EMG1: variants seen among roughly 807,000 people sequenced by gnomAD.
EMG1 encodes the protein ribosomal RNA small subunit methyltransferase NEP1.
A neutral mutation model predicts 26.9 loss-of-function variants in EMG1; 24 were observed. That is an observed-to-expected ratio of 0.89 (90% CI 0.65 to 1.26). The LOEUF is 1.26. EMG1 is among the 50% of genes most tolerant of loss of function. EMG1 has a pLI of 0.00. For missense variants in EMG1, 299 were observed against 307.6 expected (o/e 0.97, Z 0.21); for synonymous variants, 140 against 112.6 (o/e 1.24, Z -1.54).
At chr12:6,974,041 A>G (rs1238713886) in intron 1 of EMG1, among the ~76,000 whole-genome samples, 2 of 152,186 alleles carry the variant, frequency 1.3e-5, no homozygotes, top group Non-Finnish European at 2.9e-5. Flanking sequence ...CAGGTTTTTT[A>G]ATTAAATCCA....
At chr12:6,973,074 A>G (rs1555152500) in intron 1 of EMG1, among the ~76,000 whole-genome samples, 1 of 151,326 alleles carries the variant, frequency 6.6e-6, no homozygotes, top group Non-Finnish European at 1.5e-5. Context: ...TCCTGGGCTC[A>G]AGTGATCCTT....
At chr12:6,989,341 T>C (rs1353463663), downstream of EMG1, among the ~76,000 whole-genome samples, 1 of 137,608 alleles carries the variant, frequency 7.3e-6, no homozygotes, top group African/African-American at 2.8e-5. Flanking sequence ...TGAGACAGAG[T>C]CTCTGTCGCC....
chr12:6,988,822 C>T (rs1428092127), downstream of EMG1, among the ~76,000 whole-genome samples: 1 of 152,076 alleles, frequency 6.6e-6, no homozygotes, highest in African/African-American at 2.4e-5. Flanking sequence ...TTGTAACAAC[C>T]CAGAGGTTTG....
At chr12:6,983,518 TAAAAC>T (rs1946492130), downstream of EMG1, 1 of 1,610,874 alleles carries the variant, frequency 6.2e-7, no homozygotes, top group Non-Finnish European at 8.5e-7. Flanking sequence ...GTAATGCCGA[TAAAAC>T]AAAGCAAAGG....
At chr12:6,981,574 T>A, downstream of EMG1, 3 of 1,613,294 alleles carry the variant, frequency 1.9e-6, no homozygotes, top group Non-Finnish European at 2.5e-6. Context: ...TGAACCTCTC[T>A]GCCGATGAAT....
At chr12:6,997,427 G>GTGTT (rs1565603363) in exon 8 of EMG1, 6 of 137,546 alleles carry the variant, frequency 4.4e-5, no homozygotes, top group African/African-American at 1.8e-4. Flanking sequence ...GTGTGTGTGT[G>GTGTT]TTTCAAGACA....
chr12:6,986,220 G>A (rs1454969282), intron 6 of EMG1, among the ~76,000 whole-genome samples: 1 of 152,160 alleles, frequency 6.6e-6, no homozygotes, highest in Non-Finnish European at 1.5e-5. Context: ...TGCCACTGCT[G>A]AGATGGCAAC....
intron 1 of EMG1, among the ~76,000 whole-genome samples, chr12:6,972,866 T>C (rs1262693063): frequency 6.6e-6 from 1 of 152,058 alleles, no homozygotes; most frequent in African/African-American, 2.4e-5. Flanking sequence ...TGAGATAGGG[T>C]CTTGCTCTGT....
At chr12:6,992,534 AT>A (rs1183908860), downstream of EMG1, among the ~76,000 whole-genome samples, 14 of 152,202 alleles carry the variant, frequency 9.2e-5, no homozygotes, top group Non-Finnish European at 7.3e-5. Context: ...AGACAAATAC[AT>A]CTTAGTAGTA....
intron 7 of EMG1, among the ~76,000 whole-genome samples, chr12:6,994,570 G>T (rs1202302000): frequency 6.6e-6 from 1 of 152,134 alleles, no homozygotes; most frequent in Non-Finnish European, 1.5e-5. Flanking sequence ...AGGTTCAAGT[G>T]ATCCTCCCAC....
In EMG1 at chr12:6,978,763, A is replaced by G; in HGVS notation, c.*2954A>G. 1.3e-6 allele frequency: 2 copies of G among 1,581,014 alleles called. No homozygotes were observed. The highest frequency in any genetic ancestry group is 1.7e-6 in the Non-Finnish European group (2 of 1,161,966). ...GTTTCTCTCAGCACTCTTCCTTTTC[A>G]CACTTGTGGCTGGCTACTTCATACC... On this transcript the variant is annotated 3_prime_UTR_variant, in exon 6 of 6. Coordinates refer to ENST00000599672, the MANE Select transcript of EMG1 (RefSeq NM_006331.8).
In EMG1 at chr12:6,979,727, G is replaced by A; in HGVS notation, c.*3918G>A. On this transcript the variant is annotated 3_prime_UTR_variant, in exon 6 of 6. Coordinates refer to ENST00000599672, the MANE Select transcript of EMG1 (RefSeq NM_006331.8). ...AGCTCTGCTGCCCAAAGTGTTTCCTGTTTCAGGGAAAGATTTCTATGGCTG... is the reference window on the plus strand; with the variant it reads ...AGCTCTGCTGCCCAAAGTGTTTCCTATTTCAGGGAAAGATTTCTATGGCTG... The A allele has an allele frequency of 3.2e-6, 2 of 625,224 alleles. No individual in the cohort carries two copies. 38.7% of individuals were successfully genotyped at this position (625,224 alleles called of 1,614,324 possible).
At chr12:6,981,949 TCTC>T (rs782245676), downstream of EMG1, 3 of 962,020 alleles carry the variant, frequency 3.1e-6, no homozygotes, top group African/African-American at 1.6e-5. Context: ...TACTATTTCT[TCTC>T]CTTGCTCTGA....
At chr12:6,983,016 C>G (rs1555154342), downstream of EMG1, 2 of 597,310 alleles carry the variant, frequency 3.3e-6, no homozygotes, top group African/African-American at 1.8e-5. Flanking sequence ...GCGACTTGCT[C>G]TGTTGTCCAG....
chr12:6,990,268 G>A (rs782707029), downstream of EMG1, among the ~76,000 whole-genome samples: 9 of 151,774 alleles, frequency 5.9e-5, no homozygotes, highest in South Asian at 1.2e-3. Context: ...CCAGCACTTC[G>A]GGAGGCTGAG....
chr12:6,977,153 A>G lies in EMG1; in HGVS notation c.*1344A>G, dbSNP rs919862335. The G allele has an allele frequency of 4.4e-6, 7 of 1,600,302 alleles. No homozygotes were observed. Among genetic ancestry groups the G allele is most frequent in the Admixed American group, 1.7e-5 (1 of 59,964 alleles). On this transcript the variant is annotated 3_prime_UTR_variant, in exon 6 of 6. Coordinates refer to ENST00000599672, the MANE Select transcript of EMG1 (RefSeq NM_006331.8). The surrounding 1 kb of genome is among the most constrained non-coding windows in gnomAD (Gnocchi z 4.5). ...ACTTACCAGGGAAATGGATTATTCC[A>G]TCTTCTTTAACTTCTCTTTCCTTGG...
downstream of EMG1, among the ~76,000 whole-genome samples, chr12:6,984,044 T>G (rs1435660315): frequency 6.6e-6 from 1 of 152,220 alleles, no homozygotes; most frequent in Non-Finnish European, 1.5e-5. Context: ...ATTTACACTT[T>G]GTGATCTATC....
In EMG1 at chr12:6,979,091, TC is replaced by T. The variant is rs782379376; in HGVS notation, c.*3288del. The T allele has an allele frequency of 2.3e-4, 69 of 294,712 alleles. 1 individual carries two copies. The highest frequency in any genetic ancestry group is 3.5e-4 in the Non-Finnish European group (55 of 157,514). 18.3% of individuals were successfully genotyped at this position (294,712 alleles called of 1,614,324 possible). ...CTGGGCAGGAGCAAAAGCCAGCACTTCCCCCCTTCCCTTGGTTTCTGAATTC... is the reference window on the plus strand; with the variant it reads ...CTGGGCAGGAGCAAAAGCCAGCACTTCCCCCTTCCCTTGGTTTCTGAATTC... On this transcript the variant is annotated 3_prime_UTR_variant, in exon 6 of 6. Coordinates refer to ENST00000599672, the MANE Select transcript of EMG1 (RefSeq NM_006331.8).
chr12:6,984,331 T>C (rs755435017), downstream of EMG1, among the ~76,000 whole-genome samples: 46 of 152,352 alleles, frequency 3.0e-4, no homozygotes, highest in Non-Finnish European at 5.6e-4. Flanking sequence ...AAGGGTTGCT[T>C]ATTGAATTAA....
Sources: allele counts gnomAD v4.1 joint callset (sites outside exome capture counted in the v4.1 genomes callset), GRCh38; gene constraint gnomAD v4.1.1; non-coding constraint Gnocchi (gnomAD v3.1); transcripts MANE v1.5; gene names NCBI Gene and HGNC (gene_info 2026-07-23, HGNC 2026-07-21).